CASK: variants seen among roughly 807,000 people sequenced by gnomAD.
The protein encoded by CASK is peripheral plasma membrane protein CASK.
A neutral mutation model predicts 82.9 loss-of-function variants in CASK; 4 were observed. The observed-to-expected ratio is 0.05, with a 90% confidence interval of 0.02 to 0.11. CASK has a LOEUF of 0.11. Ranked by LOEUF, CASK falls within the 10% of genes least tolerant of loss-of-function variation. The probability of loss-of-function intolerance (pLI) is 1.00; values close to 1 mark genes in which losing one functional copy is unlikely to be tolerated. For missense variants in CASK, 358 were observed against 720.9 expected (o/e 0.50, Z 5.76); for synonymous variants, 259 against 253.5 (o/e 1.02, Z -0.20).
chrX:41,664,295 T>A (rs1411841070), intron 7 of CASK, among the ~76,000 whole-genome samples: 1 of 112,012 alleles, frequency 8.9e-6, no homozygotes, highest in Non-Finnish European at 1.9e-5. Flanking sequence ...TTTCTTCTTT[T>A]TAAATTTTAT....
chrX:41,737,197 A>G (rs993915424), intron 5 of CASK, among the ~76,000 whole-genome samples: 8 of 111,690 alleles, frequency 7.2e-5, no homozygotes, highest in Non-Finnish European at 1.1e-4. Context: ...AGACGTTTTG[A>G]ATGAGAGACC....
chrX:41,900,255 G>A (rs1406787494), intron 1 of CASK, among the ~76,000 whole-genome samples: 2 of 110,208 alleles, frequency 1.8e-5, no homozygotes, highest in Non-Finnish European at 3.8e-5. Flanking sequence ...AATCTAGTTG[G>A]AGGTTCTTTG....
At chrX:41,895,211 T>C (rs1236699745) in intron 1 of CASK, among the ~76,000 whole-genome samples, 1 of 111,886 alleles carries the variant, frequency 8.9e-6, no homozygotes, top group Non-Finnish European at 1.9e-5. Flanking sequence ...CAAGAAAGAA[T>C]GATCCATTCT....
At position 41,754,306 on chromosome X, in the gene CASK, C is replaced by T. The variant is rs760705811; in HGVS notation, c.279-8705G>A. Among the ~76,000 whole-genome samples the T allele has an allele frequency of 1.0e-4, 11 of 110,431 alleles. No homozygotes were observed. The East Asian group carries it at 1.4e-3, about 14-fold the overall frequency. ...GTCTCAGCTACTCAGGAGGCTGAGA[C>T]GGCCAAATTGCTTGAGCCTGGAAGG... On this transcript the variant is annotated intron_variant, in intron 3 of 26. Coordinates refer to ENST00000378163, the MANE Select transcript of CASK (RefSeq NM_001367721.1).
At chrX:41,544,564 TAAA>T (rs752196101) in intron 21 of CASK, among the ~76,000 whole-genome samples, 2 of 48,402 alleles carry the variant, frequency 4.1e-5, no homozygotes. Context: ...AGACCTTGTC[TAAA>T]AAAAAAAAAA....
intron 5 of CASK, among the ~76,000 whole-genome samples, chrX:41,735,562 A>G (rs1367478095): frequency 9.1e-6 from 1 of 109,791 alleles, no homozygotes; most frequent in Non-Finnish European, 1.9e-5. Flanking sequence ...CAGGAATCTA[A>G]CTAATTTTTT....
chrX:41,865,934 T>A (rs2071583834), intron 1 of CASK, among the ~76,000 whole-genome samples: 1 of 111,858 alleles, frequency 8.9e-6, no homozygotes, highest in East Asian at 2.8e-4. Context: ...GGCCTGGGTC[T>A]CCTTAAGCCA....
chrX:41,896,772 C>T (rs2072277789), intron 1 of CASK, among the ~76,000 whole-genome samples: 1 of 112,044 alleles, frequency 8.9e-6, no homozygotes, highest in African/African-American at 3.2e-5. Flanking sequence ...AAGCACTTAT[C>T]ATTTCTGTGT....
At chrX:41,551,111 G>A (rs939949685) in intron 21 of CASK, among the ~76,000 whole-genome samples, 2 of 111,702 alleles carry the variant, frequency 1.8e-5, no homozygotes, top group Non-Finnish European at 3.8e-5. Context: ...TGAAGTTAGT[G>A]GGGGTTAGGA....
intron 8 of CASK, among the ~76,000 whole-genome samples, chrX:41,656,424 C>T (rs1352694970): frequency 9.0e-6 from 1 of 111,578 alleles, no homozygotes; most frequent in African/African-American, 3.3e-5. Flanking sequence ...ATGAGAATAC[C>T]ATAAAAAAGC....
chrX:41,643,256 G>T (rs12394586), intron 8 of CASK, among the ~76,000 whole-genome samples: 2 of 111,606 alleles, frequency 1.8e-5, no homozygotes, highest in African/African-American at 6.5e-5. Flanking sequence ...TGGCAATGCG[G>T]GCTCTTTTTT....
Position 41,557,048 on chromosome X carries a change from G to C in CASK, c.1790C>G (p.Thr597Ser). The C allele has an allele frequency of 8.3e-7, 1 of 1,209,041 alleles. No homozygotes were observed. Residue 597 changes from threonine (T) to serine (S), a missense_variant, in exon 19 of 27, where the codon ACT (threonine) becomes AGT (serine). Physicochemically the swap from Thr to Ser is moderately conservative, Grantham distance 58. Transcript: ENST00000378163. ...RQSPANGHSS[T>S]NNSVSDLPST... ...AGTTCTTACCGAAACAGAATTGTTA[G>C]TGCTGCTATGACCATTAGCTGGGGA... is the stretch of plus-strand genomic sequence containing the variant.
At chrX:41,820,740 C>T (rs934862644) in intron 2 of CASK, among the ~76,000 whole-genome samples, 1 of 110,965 alleles carries the variant, frequency 9.0e-6, no homozygotes, top group African/African-American at 3.3e-5. Context: ...GATTTTAAGA[C>T]TTAATATAGA....
intron 1 of CASK, among the ~76,000 whole-genome samples, chrX:41,910,724 G>T (rs954458370): frequency 2.7e-5 from 3 of 112,136 alleles, no homozygotes; most frequent in African/African-American, 9.7e-5. Flanking sequence ...AGCAATGGGA[G>T]AAATATTAAT....
intron 2 of CASK, among the ~76,000 whole-genome samples, chrX:41,813,193 T>C (rs1035169061): frequency 9.0e-6 from 1 of 111,143 alleles, no homozygotes; most frequent in Non-Finnish European, 1.9e-5. Flanking sequence ...TTCAATGGCA[T>C]CCCCATCAAG....
chrX:41,635,950 G>A (rs1298868345), intron 9 of CASK, among the ~76,000 whole-genome samples: 1 of 91,584 alleles, frequency 1.1e-5, no homozygotes, highest in African/African-American at 4.2e-5. Context: ...AAGCTGGAGT[G>A]CAATGGTGTG....
At chrX:41,817,205 T>C (rs1242125715) in intron 2 of CASK, among the ~76,000 whole-genome samples, 2 of 112,317 alleles carry the variant, frequency 1.8e-5, no homozygotes, top group South Asian at 3.6e-4. Flanking sequence ...AAACTTGGAA[T>C]AGAAAGAAAC....
chrX:41,892,078 A>G (rs1229576104), intron 1 of CASK, among the ~76,000 whole-genome samples: 1 of 110,522 alleles, frequency 9.0e-6, no homozygotes, highest in Non-Finnish European at 1.9e-5. Flanking sequence ...CTGTAGTCCC[A>G]GTTACTTGAG....
At chrX:41,833,906 G>A (rs1159105541) in intron 2 of CASK, among the ~76,000 whole-genome samples, 1 of 110,753 alleles carries the variant, frequency 9.0e-6, no homozygotes, top group African/African-American at 3.3e-5. Context: ...ATGCCACCAT[G>A]CCCAGCTAAT....
Sources: gnomAD v4.1 joint callset for allele counts (sites outside exome capture counted in the v4.1 genomes callset) on GRCh38, gnomAD v4.1.1 for gene constraint, MANE v1.5 for transcripts, NCBI Gene and HGNC (gene_info 2026-07-23, HGNC 2026-07-21) for gene names.